The following RIMS2 variants were observed in gnomAD, a reference collection of about 807,000 sequenced individuals.
The protein encoded by RIMS2 is regulating synaptic membrane exocytosis protein 2.
A neutral mutation model predicts 174.4 loss-of-function variants in RIMS2; 59 were observed. The observed-to-expected ratio is 0.34, with a 90% CI of 0.27 to 0.42. The LOEUF is 0.42. Among genes scored for constraint, RIMS2 ranks in the 10% least tolerant of loss-of-function variants. The probability of loss-of-function intolerance (pLI) is 1.00; values close to 1 mark genes in which losing one functional copy is unlikely to be tolerated. For missense variants in RIMS2, 1,620 were observed against 1,666.3 expected (o/e 0.97, Z 0.48); for synonymous variants, 606 against 572.5 (o/e 1.06, Z -0.84).
intron 19 of RIMS2, among the ~76,000 whole-genome samples, chr8:104,218,177 T>A (rs1392163002): frequency 2.0e-5 from 3 of 152,228 alleles, no homozygotes; most frequent in African/African-American, 4.8e-5. Context: ...CATGAGAAAT[T>A]CCCGTCTCTC....
At chr8:104,210,511 C>G (rs951718064) in intron 19 of RIMS2, among the ~76,000 whole-genome samples, 2 of 152,150 alleles carry the variant, frequency 1.3e-5, no homozygotes, top group Non-Finnish European at 2.9e-5. Context: ...AAAGGAGATT[C>G]TTTTAAATTG....
chr8:103,971,783 C>G (rs2092907544), intron 15 of RIMS2, among the ~76,000 whole-genome samples: 1 of 152,100 alleles, frequency 6.6e-6, no homozygotes, highest in Non-Finnish European at 1.5e-5. Flanking sequence ...TTTGGCCAGT[C>G]TGGTCTTGAA....
chr8:104,166,265 A>G (rs187515778), intron 19 of RIMS2, among the ~76,000 whole-genome samples: 1 of 150,978 alleles, frequency 6.6e-6, no homozygotes, highest in Non-Finnish European at 1.5e-5. Flanking sequence ...GCGGGGTTTC[A>G]CTGTGTTAGC....
intron 1 of RIMS2, among the ~76,000 whole-genome samples, chr8:103,587,656 A>C (rs2094026899): frequency 9.2e-5 from 14 of 152,102 alleles, no homozygotes; most frequent in Admixed American, 9.2e-4. Flanking sequence ...ATAAAGGATA[A>C]AAACCATATG....
At chr8:103,794,004 T>C (rs1431537977) in intron 3 of RIMS2, among the ~76,000 whole-genome samples, 1 of 152,178 alleles carries the variant, frequency 6.6e-6, no homozygotes, top group Non-Finnish European at 1.5e-5. Context: ...ATGGCCATAC[T>C]GCCCAAGGTA....
intron 4 of RIMS2, among the ~76,000 whole-genome samples, chr8:103,895,603 A>G (rs559581319): frequency 2.0e-5 from 3 of 151,640 alleles, no homozygotes; most frequent in African/African-American, 7.3e-5. Flanking sequence ...GCATGCAGAC[A>G]TTTAGTCCGT....
intron 17 of RIMS2, among the ~76,000 whole-genome samples, chr8:104,006,752 C>T (rs2095598946): frequency 6.6e-6 from 1 of 151,370 alleles, no homozygotes; most frequent in South Asian, 2.1e-4. Flanking sequence ...GCTCCTAAGC[C>T]TTAACCTTCT....
intron 4 of RIMS2, among the ~76,000 whole-genome samples, chr8:103,886,941 C>T (rs1362852066): frequency 6.6e-6 from 1 of 151,772 alleles, no homozygotes; most frequent in Non-Finnish European, 1.5e-5. Context: ...TATCTTTATA[C>T]ATACTTTTTG....
intron 3 of RIMS2, among the ~76,000 whole-genome samples, chr8:103,851,571 T>C (rs200942145): frequency 2.5e-4 from 38 of 151,720 alleles, no homozygotes; most frequent in Non-Finnish European, 1.8e-4. Flanking sequence ...GATTTTAGTA[T>C]TCTTATAGTT....
At chr8:104,131,329 G>A (rs1401255997) in intron 19 of RIMS2, among the ~76,000 whole-genome samples, 2 of 152,156 alleles carry the variant, frequency 1.3e-5, no homozygotes, top group African/African-American at 4.8e-5. Context: ...TTGCTGATTG[G>A]TTGGATAGAG....
intron 1 of RIMS2, among the ~76,000 whole-genome samples, chr8:103,649,516 A>G (rs2096409156): frequency 6.6e-6 from 1 of 151,984 alleles, no homozygotes; most frequent in Non-Finnish European, 1.5e-5. Context: ...GTTCTCCTGG[A>G]TGATATACTT....
intron 15 of RIMS2, among the ~76,000 whole-genome samples, chr8:103,963,131 T>C (rs567540024): frequency 1.1e-3 from 169 of 152,254 alleles, no homozygotes; most frequent in African/African-American, 3.6e-3. Flanking sequence ...AAACTAGTTT[T>C]AATAGAGAAT....
chr8:104,223,575 A>G (rs779653340), intron 19 of RIMS2: 23 of 1,470,234 alleles, frequency 1.6e-5, no homozygotes, highest in Non-Finnish European at 1.9e-5. Context: ...TGGTCCCGGA[A>G]CCGCTGCGGA....
At chr8:103,886,187 G>C in exon 4 of RIMS2, 1 of 1,611,992 alleles carries the variant, frequency 6.2e-7, no homozygotes, top group Non-Finnish European at 8.5e-7. Context: ...AAGTTGTGAT[G>C]ATGTTGAGAT....
chr8:104,029,534 A>G (rs995567790), intron 19 of RIMS2, among the ~76,000 whole-genome samples: 1 of 152,148 alleles, frequency 6.6e-6, no homozygotes, highest in African/African-American at 2.4e-5. Flanking sequence ...TCTTAAGCTG[A>G]TATTCATAAA....
chr8:103,960,495 TA>T (rs1303588933), intron 14 of RIMS2, among the ~76,000 whole-genome samples: 7 of 152,194 alleles, frequency 4.6e-5, no homozygotes, highest in Non-Finnish European at 1.0e-4. Flanking sequence ...GACAAATAGC[TA>T]AACTACATAG....
chr8:103,609,702 T>G (rs1232845482), intron 1 of RIMS2, among the ~76,000 whole-genome samples: 1 of 152,262 alleles, frequency 6.6e-6, no homozygotes, highest in South Asian at 2.1e-4. Context: ...CCTATGTGTC[T>G]TTGTAACCGT....
intron 1 of RIMS2, among the ~76,000 whole-genome samples, chr8:103,588,271 A>T (rs1283442441): frequency 6.6e-6 from 1 of 152,052 alleles, no homozygotes; most frequent in Non-Finnish European, 1.5e-5. Flanking sequence ...AAATGGAAAG[A>T]TATTCCATGT....
chr8:104,068,448 C>A, intron 19 of RIMS2, 64 bp from the exon 23 acceptor site: 1 of 714,434 alleles, frequency 1.4e-6, no homozygotes. Flanking sequence ...TTTATACATC[C>A]TGTAAGTCGG....
Sources: gnomAD v4.1 joint callset for allele counts (sites outside exome capture counted in the v4.1 genomes callset) on GRCh38, gnomAD v4.1.1 for gene constraint, MANE v1.5 for transcripts, NCBI Gene and HGNC (gene_info 2026-07-23, HGNC 2026-07-21) for gene names.